The following SLC12A9 variants were observed in gnomAD, a reference collection of about 807,000 sequenced individuals.
SLC12A9 encodes the protein CCC-interacting protein 1.
SLC12A9 carries 55 observed loss-of-function variants against 66.0 expected under a neutral mutation model. The ratio of observed to expected loss-of-function variants is 0.83; its 90% CI spans 0.67 to 1.04. The LOEUF (loss-of-function observed/expected upper bound fraction) is 1.04. Among genes scored for constraint, SLC12A9 ranks in the 50% least tolerant of loss-of-function variants. SLC12A9 has a pLI of 0.00. For synonymous variants in SLC12A9, 577 were observed against 569.0 expected, an observed-to-expected ratio of 1.01 and a Z score of -0.20; for missense variants, 1,061 against 1,241.9, an observed-to-expected ratio of 0.85 and a Z score of 2.19.
In SLC12A9 at chr7:100,866,180, C is replaced by A. The variant is rs200771346; in HGVS notation, c.2320C>A (p.Pro774Thr). The change falls in exon 14 of 14, where the codon CCT (proline) becomes ACT (threonine). Residue 774 changes from proline (P) to threonine (T), a missense_variant. Coordinates refer to ENST00000354161, the MANE Select transcript of SLC12A9 (RefSeq NM_020246.4). The surrounding 1 kb of genome is among the most constrained non-coding windows in gnomAD (Gnocchi z 7.3). ...GCTCCGGATCTTCCTGTGCCTGGGG[C>A]CTCGGGAGGCGCCTGGGGCGGCCGA... ...ARLRIFLCLG[P>T]REAPGAAEGR... is the part of the protein sequence containing the mutation. 2.4e-5 allele frequency: 38 copies of A among 1,612,284 alleles called. No homozygotes were observed. In the East Asian group the frequency reaches 8.2e-4, roughly 35 times the overall value.
At chr7:100,862,888 C>T in intron 13 of SLC12A9, 61 bp downstream of exon 13, 1 of 1,599,102 alleles carries the variant, frequency 6.3e-7, no homozygotes, top group East Asian at 2.2e-5. Context: ...AATCTCCGCT[C>T]CCCTCCCCTA....
intron 1 of SLC12A9, among the ~76,000 whole-genome samples, chr7:100,841,878 G>A (rs1161869043): frequency 6.6e-6 from 1 of 152,062 alleles, no homozygotes; most frequent in Non-Finnish European, 1.5e-5. Flanking sequence ...CCACGGCCAA[G>A]GTCCCCACAT....
intron 4 of SLC12A9, 139 bp from the exon 5 acceptor site, chr7:100,856,723 GTTAGTT>G: frequency 1.3e-6 from 1 of 785,220 alleles, no homozygotes; most frequent in Non-Finnish European, 2.0e-6. Flanking sequence ...TGTTGCCCAG[GTTAGTT>G]TTAAACTCCT....
Position 100,861,811 on chromosome 7 carries a change from G to A in SLC12A9, c.1611G>A (p.Leu537=). 1.2e-6 allele frequency: 2 copies of A among 1,614,116 alleles called. No homozygotes were observed. The highest frequency in any genetic ancestry group is 1.7e-6 in the Non-Finnish European group (2 of 1,180,004). ...TCTGGCGGCCCCAGCTGCTGCTCCT[G>A]GTGGGGAACCCCCGGGGCGCCCTGC... is the stretch of plus-strand genomic sequence containing the variant. ...VKFWRPQLLL[L]VGNPRGALPL... Residue 537 remains leucine (L), a synonymous_variant, in exon 12 of 14, where the codon CTG becomes CTA. Transcript: ENST00000354161. This position sits in a 1 kb window ranked among gnomAD's most constrained non-coding sequence, Gnocchi z 5.3.
At chr7:100,835,904 G>A (rs886564496) in intron 1 of SLC12A9, among the ~76,000 whole-genome samples, 1 of 152,250 alleles carries the variant, frequency 6.6e-6, no homozygotes, top group Non-Finnish European at 1.5e-5. Context: ...GGGCATGGAG[G>A]TGGAGGAGAG....
intron 1 of SLC12A9, among the ~76,000 whole-genome samples, chr7:100,830,960 A>T (rs1384584837): frequency 6.6e-6 from 1 of 152,010 alleles, no homozygotes; most frequent in Non-Finnish European, 1.5e-5. Context: ...GTGGGTGAAC[A>T]TTCACGTTAC....
rs1814636426 is a variant in SLC12A9 at position 100,859,885 on chromosome 7, G to A, written c.978G>A (p.Arg326=). 2 of 1,597,994 alleles carry A rather than the reference G, an allele frequency of 1.3e-6. No homozygotes were observed. Among genetic ancestry groups the A allele is most frequent in the Non-Finnish European group, 1.7e-6 (2 of 1,166,846 alleles). The change falls in exon 8 of 14, where the codon AGG becomes AGA. Residue 326 remains arginine (R), a splice_region_variant and synonymous_variant. Coordinates refer to ENST00000354161, the MANE Select transcript of SLC12A9 (RefSeq NM_020246.4). Reference sequence around the variant, plus strand: ...GTGTCCTCCTTTTCCTCCTTCCTAGGACCCTGCTGCAGGAAGACTATGGGT... The same window carrying A: ...GTGTCCTCCTTTTCCTCCTTCCTAGAACCCTGCTGCAGGAAGACTATGGGT... ...LFFLSSFTCD[R]TLLQEDYGFF...
chr7:100,840,747 A>G (rs1169564807), intron 1 of SLC12A9, among the ~76,000 whole-genome samples: 2 of 151,944 alleles, frequency 1.3e-5, no homozygotes, highest in African/African-American at 4.8e-5. Context: ...AGAGAGATAT[A>G]CAAGCAGTTA....
In SLC12A9 at chr7:100,859,131, T is replaced by A. The variant is rs1584700613; in HGVS notation, c.947T>A (p.Leu316His). ...VAYTFFVYVLLFFLSSFTCDR... is the reference protein window; with the variant it reads ...VAYTFFVYVLHFFLSSFTCDR... ...TACACCTTCTTCGTCTATGTCCTGC[T>A]TTTCTTTCTCTCCAGCTTCACTTGT... Residue 316 changes from leucine to histidine, a missense_variant, in exon 7 of 14, where the codon CTT becomes CAT. Physicochemically the swap from Leu to His is moderately conservative, Grantham distance 99 (BLOSUM62 -3). Coordinates refer to ENST00000354161, the MANE Select transcript of SLC12A9 (RefSeq NM_020246.4). The A allele has an allele frequency of 6.2e-7, 1 of 1,614,070 alleles. No individual in the cohort carries two copies.
chr7:100,861,260 C>G lies in SLC12A9; in HGVS notation c.1341C>G (p.Phe447Leu), dbSNP rs1185424483. The G allele has an allele frequency of 1.2e-6, 2 of 1,614,086 alleles. No homozygotes were observed. Among genetic ancestry groups the G allele is most frequent in the Non-Finnish European group, 1.7e-6 (2 of 1,180,032 alleles). Residue 447 changes from phenylalanine (F) to leucine (L), a missense_variant and splice_region_variant, in exon 10 of 14, where the codon TTC becomes TTG. Transcript: ENST00000354161. This position sits in a 1 kb window ranked among gnomAD's most constrained non-coding sequence, Gnocchi z 5.3. ...TGGAGTGGGCCTCGGCCCCCAACTT[C>G]CGGTGAGAGACTCAGATCTGTGTCC... The part of the protein sequence containing the change: ...LSLEWASAPN[F>L]RPTFSLFSWH...
chr7:100,843,128 C>T (rs1813822765), intron 1 of SLC12A9, among the ~76,000 whole-genome samples: 1 of 143,478 alleles, frequency 7.0e-6, no homozygotes. Context: ...ACTAGGCACT[C>T]TGCCGAATAA....
At chr7:100,830,582 AG>A (rs772899496) in intron 1 of SLC12A9, among the ~76,000 whole-genome samples, 2 of 151,814 alleles carry the variant, frequency 1.3e-5, no homozygotes. Flanking sequence ...CACACCAGGC[AG>A]TAATCTATTT....
intron 1 of SLC12A9, among the ~76,000 whole-genome samples, chr7:100,842,784 T>C (rs1010008576): frequency 6.6e-6 from 1 of 152,258 alleles, no homozygotes; most frequent in African/African-American, 2.4e-5. Flanking sequence ...AGGCCCAGAC[T>C]GTCCCCCTTC....
intron 3 of SLC12A9, among the ~76,000 whole-genome samples, chr7:100,855,260 C>CT (rs1359170104): frequency 6.7e-6 from 1 of 150,294 alleles, no homozygotes; most frequent in African/African-American, 2.5e-5. Context: ...GTAGCCAGCA[C>CT]TATAGGCATG....
At chr7:100,827,701 A>C (rs1020289959) in intron 1 of SLC12A9, among the ~76,000 whole-genome samples, 2 of 151,666 alleles carry the variant, frequency 1.3e-5, no homozygotes, top group African/African-American at 4.8e-5. Flanking sequence ...GTTGAGAGAA[A>C]GTTTGGAGAA....
At chr7:100,857,209 G>A in intron 5 of SLC12A9, 33 bp downstream of exon 5, 1 of 1,588,568 alleles carries the variant, frequency 6.3e-7, no homozygotes. Flanking sequence ...AGGGATCTCG[G>A]GGTGAGGGGT....
At chr7:100,844,679 G>A (rs1263191178) in intron 1 of SLC12A9, among the ~76,000 whole-genome samples, 1 of 152,086 alleles carries the variant, frequency 6.6e-6, no homozygotes, top group Non-Finnish European at 1.5e-5. Flanking sequence ...CTGTACTAAA[G>A]GACAATGTAA....
rs1352090008 is a variant in SLC12A9 at position 100,860,239 on chromosome 7, CT to C, written c.1218+9del. The stretch of plus-strand genomic sequence containing the variant: ...TTCTTGGGGCCTGGTGCAGGTGAGC[CT>C]TCTTCTTCAAGGGGCCCTTTCCCTC... On this transcript the variant is annotated splice_region_variant and intron_variant, in intron 9 of 13. Coordinates refer to ENST00000354161, the MANE Select transcript of SLC12A9 (RefSeq NM_020246.4). 5 of 1,612,680 alleles carry C rather than the reference CT, an allele frequency of 3.1e-6. No homozygotes were observed. The highest frequency in any genetic ancestry group is 4.2e-6 in the Non-Finnish European group (5 of 1,179,270).
chr7:100,865,846 G>C lies in SLC12A9; in HGVS notation c.1986G>C (p.Leu662=). The part of the protein sequence containing the change: ...DSTREGSSPA[L]STLFPPPRAP... The stretch of plus-strand genomic sequence containing the variant: ...CCAGGGAGGGCAGTTCCCCAGCTCT[G>C]AGCACCCTGTTCCCTCCTCCCCGGG... The change falls in exon 14 of 14, where the codon CTG becomes CTC. Residue 662 remains leucine (L), a synonymous_variant. Coordinates refer to ENST00000354161, the MANE Select transcript of SLC12A9 (RefSeq NM_020246.4). 6.2e-7 allele frequency: 1 copy of C among 1,613,794 alleles called. No individual in the cohort carries two copies. Among genetic ancestry groups the C allele is most frequent in the Non-Finnish European group, 8.5e-7 (1 of 1,180,012 alleles).
Sources: gnomAD v4.1 joint callset for allele counts (sites outside exome capture counted in the v4.1 genomes callset) on GRCh38, gnomAD v4.1.1 for gene constraint, Gnocchi (gnomAD v3.1) non-coding constraint, MANE v1.5 for transcripts, NCBI Gene and HGNC (gene_info 2026-07-23, HGNC 2026-07-21) for gene names.